MTR: variants seen among roughly 807,000 people sequenced by gnomAD.
MTR encodes methionine synthase.
Under a neutral mutation model 154.8 loss-of-function variants are expected in MTR, and 84 were observed. That is an observed-to-expected ratio of 0.54 (90% CI 0.45 to 0.65). The LOEUF (loss-of-function observed/expected upper bound fraction) is 0.65. MTR is among the 30% of genes least tolerant of loss of function. MTR has a pLI of 0.00. For missense variants in MTR, 1,275 were observed against 1,570.2 expected, an observed-to-expected ratio of 0.81 and a Z score of 3.18; for synonymous variants, 554 against 553.9, an observed-to-expected ratio of 1.00 and a Z score of 0.00.
At chr1:236,814,030 A>T (rs1332109845) in intron 6 of MTR, among the ~76,000 whole-genome samples, 1 of 152,206 alleles carries the variant, frequency 6.6e-6, no homozygotes, top group East Asian at 1.9e-4. Context: ...CAGTTTCATT[A>T]AATGTTTCAT....
intron 22 of MTR, 45 bp from the exon 23 acceptor site, chr1:236,873,728 A>G (rs1172452549): frequency 2.0e-6 from 3 of 1,515,718 alleles, no homozygotes; most frequent in Admixed American, 3.3e-5. Context: ...TTTTGTCTCT[A>G]ATGGGCTTTC....
At chr1:236,872,937 A>G (rs918316730) in intron 22 of MTR, among the ~76,000 whole-genome samples, 4 of 152,210 alleles carry the variant, frequency 2.6e-5, no homozygotes, top group African/African-American at 9.7e-5. Context: ...GTGAGCCGTA[A>G]TCACGCCACT....
At chr1:236,858,401 G>A (rs913672342) in intron 18 of MTR, among the ~76,000 whole-genome samples, 2 of 152,156 alleles carry the variant, frequency 1.3e-5, no homozygotes, top group Non-Finnish European at 2.9e-5. Context: ...TCCCTCCCAC[G>A]ACGTGTGGGA....
rs1009796201 is a variant in MTR at position 236,826,962 on chromosome 1, T to A, written c.995+66T>A. 9.2e-6 allele frequency: 13 copies of A among 1,414,722 alleles called. No individual in the cohort carries two copies. The East Asian group carries it at 3.0e-4, about 32-fold the overall frequency. 87.6% of individuals were successfully genotyped at this position (1,414,722 alleles called of 1,614,324 possible). ...ATAATCAGGTAATAATCTAAATATGTACTTTTTGTTATGGGCTGAATTGTG... is the reference window on the plus strand; with the variant it reads ...ATAATCAGGTAATAATCTAAATATGAACTTTTTGTTATGGGCTGAATTGTG... On this transcript the variant is annotated intron_variant, in intron 11 of 32. Coordinates refer to ENST00000366577, the MANE Select transcript of MTR (RefSeq NM_000254.3).
In MTR at chr1:236,806,145, A is replaced by T; in HGVS notation, c.251A>T (p.Glu84Val). The T allele has an allele frequency of 1.2e-6, 2 of 1,613,708 alleles. No homozygotes were observed. The highest frequency in any genetic ancestry group is 1.7e-6 in the Non-Finnish European group (2 of 1,179,588). Reference protein sequence around the residue: ...QPDVIYQIHKEYLLAGADIIE... With the variant: ...QPDVIYQIHKVYLLAGADIIE... ...TGACATTATAATCTCTTGTTGCAGG[A>T]ATACTTGCTGGCTGGGGCAGATATC... Residue 84 changes from glutamate (E) to valine (V), a missense_variant and splice_region_variant, in exon 3 of 33, where the codon GAA becomes GTA. By Grantham distance (121) the Glu-to-Val change is moderately radical. Coordinates refer to ENST00000366577, the MANE Select transcript of MTR (RefSeq NM_000254.3).
In MTR at chr1:236,830,068, G is replaced by T. The variant is rs982573484; in HGVS notation, c.1075+800G>T. Among the ~76,000 whole-genome samples, 4 of 152,044 alleles carry T rather than the reference G, an allele frequency of 2.6e-5. No individual in the cohort carries two copies. In the East Asian group the frequency reaches 7.7e-4, roughly 29 times the overall value. On this transcript the variant is annotated intron_variant, in intron 12 of 32. Transcript: ENST00000366577. ...TCCTATGAAAAGTAAAATAAATTAC[G>T]AATGACAGCAAAAGTAGTGTCCACT...
At position 236,795,407 on chromosome 1, in the gene MTR, C is replaced by A. The variant is rs1439331493; in HGVS notation, c.-297C>A. The A allele has an allele frequency of 6.9e-7, 1 of 1,451,184 alleles. No individual in the cohort carries two copies. The highest frequency in any genetic ancestry group is 3.0e-5 in the East Asian group (1 of 33,462). The allele number at this position is 1,451,184 out of a possible 1,614,324, so 89.9% of individuals were successfully genotyped here. A position where few individuals can be genotyped will look rare whatever the true frequency, so the allele number is the denominator to read the frequency against. On this transcript the variant is annotated 5_prime_UTR_variant, in exon 1 of 33. Transcript: ENST00000366577. The stretch of plus-strand genomic sequence containing the variant: ...CCTTTTCCGTGCCGTCCCGCGACTC[C>A]GCCTCTGGCCGCGCGTGTCTGGCTG...
At chr1:236,799,593 A>G (rs192714682) in intron 1 of MTR, among the ~76,000 whole-genome samples, 119 of 152,248 alleles carry the variant, frequency 7.8e-4, no homozygotes, top group African/African-American at 2.8e-3. Context: ...ATTTTGTTGT[A>G]AACTCTAGTC....
In MTR at chr1:236,795,658, A is replaced by T. The variant is rs1276449544; in HGVS notation, c.-46A>T. 6.2e-7 allele frequency: 1 copy of T among 1,612,980 alleles called. No homozygotes were observed. On this transcript the variant is annotated 5_prime_UTR_variant, in exon 1 of 33. Coordinates refer to ENST00000366577, the MANE Select transcript of MTR (RefSeq NM_000254.3). ...TTGGCCGTCGTCACCTGTGGAGAGC[A>T]CGTCTTCTCTGCCGCGCCCTCTGCG... is the stretch of plus-strand genomic sequence containing the variant.
At position 236,795,586 on chromosome 1, in the gene MTR, C is replaced by G. The variant is rs530001911; in HGVS notation, c.-118C>G. The G allele has an allele frequency of 6.3e-7, 1 of 1,589,030 alleles. No homozygotes were observed. The highest frequency in any genetic ancestry group is 2.3e-5 in the East Asian group (1 of 43,748). ...CGAGCCAACGGGAGGCGTCAAAAGA[C>G]CCGGGCCTTGTGTGGCAGGCTCGCC... is the stretch of plus-strand genomic sequence containing the variant. On this transcript the variant is annotated 5_prime_UTR_variant, in exon 1 of 33. Coordinates refer to ENST00000366577, the MANE Select transcript of MTR (RefSeq NM_000254.3).
At chr1:236,891,369 T>C (rs749931413) in intron 29 of MTR, 40 bp downstream of exon 29, 1 of 1,589,814 alleles carries the variant, frequency 6.3e-7, no homozygotes, top group South Asian at 1.1e-5. Context: ...CCGCTTTCGC[T>C]TGTGAGTTTA....
chr1:236,848,357 A>G (rs1209020943), intron 15 of MTR, among the ~76,000 whole-genome samples: 4 of 152,082 alleles, frequency 2.6e-5, no homozygotes, highest in Admixed American at 6.5e-5. Flanking sequence ...TCATCTACCA[A>G]CCAGACTAGG....
intron 21 of MTR, 23 bp downstream of exon 21, chr1:236,862,366 A>G (rs146357089): frequency 1.1e-5 from 18 of 1,592,316 alleles, no homozygotes; most frequent in African/African-American, 6.7e-5. Flanking sequence ...GTTCAGGCCT[A>G]TGGGCCTTTA....
intron 8 of MTR, chr1:236,820,587 T>TG (rs1553313338): frequency 2.5e-6 from 1 of 395,108 alleles, no homozygotes; most frequent in Non-Finnish European, 4.6e-6. Context: ...GTCAGTTTCT[T>TG]AAAAAAAAAA....
At chr1:236,838,639 G>C (rs755178242) in intron 15 of MTR, 40 bp downstream of exon 15, 1 of 1,611,090 alleles carries the variant, frequency 6.2e-7, no homozygotes, top group Non-Finnish European at 8.5e-7. Flanking sequence ...GTGTTTCCCA[G>C]GTTAGATAGT....
At chr1:236,852,895 C>A (rs926710420) in intron 17 of MTR, 53 bp from the exon 18 acceptor site, 1 of 1,603,468 alleles carries the variant, frequency 6.2e-7, no homozygotes, top group East Asian at 2.2e-5. Context: ...GTTTGCTGAT[C>A]GCTGACTTAA....
At chr1:236,853,168 G>A in intron 18 of MTR, 80 bp downstream of exon 18, 1 of 1,451,446 alleles carries the variant, frequency 6.9e-7, no homozygotes. Context: ...AGACCTTCAT[G>A]GTGGAATAGA....
At chr1:236,844,168 C>A (rs1218146645) in intron 15 of MTR, among the ~76,000 whole-genome samples, 1 of 151,946 alleles carries the variant, frequency 6.6e-6, no homozygotes, top group Admixed American at 6.6e-5. Context: ...CCTTGGAAGC[C>A]AAGTGAAGAA....
chr1:236,882,940 G>A (rs1281639679), intron 25 of MTR, among the ~76,000 whole-genome samples: 1 of 152,198 alleles, frequency 6.6e-6, no homozygotes, highest in African/African-American at 2.4e-5. Context: ...AGTTGGTTGT[G>A]GGCTCATTGG....
Sources: allele counts gnomAD v4.1 joint callset (sites outside exome capture counted in the v4.1 genomes callset), GRCh38; gene constraint gnomAD v4.1.1; transcripts MANE v1.5; gene names NCBI Gene and HGNC (gene_info 2026-07-23, HGNC 2026-07-21).